Variants in RERE observed in about 807,000 individuals in gnomAD.
RERE encodes arginine-glutamic acid dipeptide repeats protein.
A neutral mutation model predicts 146.1 loss-of-function variants in RERE; 40 were observed. That is an observed-to-expected ratio of 0.27 (90% CI 0.21 to 0.36). The LOEUF is 0.36. Ranked by LOEUF, RERE falls within the 10% of genes least tolerant of loss-of-function variation. RERE has a pLI of 1.00. For synonymous variants in RERE, 1,003 were observed against 866.0 expected (o/e 1.16, Z -2.78); for missense variants, 1,933 against 2,138.7 (o/e 0.90, Z 1.90).
chr1:8,404,072 G>A (rs1217914374), intron 12 of RERE, among the ~76,000 whole-genome samples: 1 of 151,294 alleles, frequency 6.6e-6, no homozygotes, highest in Admixed American at 6.6e-5. Flanking sequence ...TTCGTGATCC[G>A]CCCGCCTCGG....
intron 4 of RERE, among the ~76,000 whole-genome samples, chr1:8,576,204 A>G (rs924829168): frequency 1.3e-5 from 2 of 151,840 alleles, no homozygotes; most frequent in African/African-American, 4.8e-5. Context: ...CTTATTCTCC[A>G]GTGGTTCTAG....
At chr1:8,694,964 G>T (rs914073866) in intron 1 of RERE, among the ~76,000 whole-genome samples, 5 of 65,176 alleles carry the variant, frequency 7.7e-5, no homozygotes, top group African/African-American at 2.9e-4. Flanking sequence ...AAGAGCCAAA[G>T]AAATCCTAAG....
intron 12 of RERE, among the ~76,000 whole-genome samples, chr1:8,409,194 C>T (rs76839646): frequency 2.0e-5 from 3 of 152,172 alleles, no homozygotes; most frequent in Admixed American, 1.3e-4. Flanking sequence ...GGGAGTACAA[C>T]GTTTGAGAAG....
rs1412649059 is a variant in RERE, at chr1:8,501,034, G to GA, written c.880-3506_880-3505insT. Reference sequence around the variant, plus strand: ...CCCGGCAGCCACCCCGTCCGGGAGGGGGGGGGGGGGTCAGCCCCCCGCCCG... The same window carrying GA: ...CCCGGCAGCCACCCCGTCCGGGAGGGAGGGGGGGGGGTCAGCCCCCCGCCCG... On this transcript the variant is annotated intron_variant, in intron 8 of 22. Coordinates refer to ENST00000400908, the MANE Select transcript of RERE (RefSeq NM_001042681.2). Among the ~76,000 whole-genome samples the GA allele has an allele frequency of 4.0e-3, 538 of 133,522 alleles. 25 individuals carry two copies. Among genetic ancestry groups the GA allele is most frequent in the African/African-American group, 0.016 (502 of 30,532 alleles). 87.6% of individuals were successfully genotyped at this position (133,522 alleles called of 152,430 possible). A position where few individuals can be genotyped will look rare whatever the true frequency, so the allele number is the denominator to read the frequency against.
At chr1:8,431,794 T>A (rs1644099186) in intron 11 of RERE, among the ~76,000 whole-genome samples, 1 of 152,064 alleles carries the variant, frequency 6.6e-6, no homozygotes, top group Non-Finnish European at 1.5e-5. Context: ...ACCTCAAATC[T>A]CCCCCGCTTC....
At chr1:8,362,606 T>G (rs565165862) in intron 16 of RERE, 77 bp downstream of exon 16, 1 of 1,564,168 alleles carries the variant, frequency 6.4e-7, no homozygotes, top group Non-Finnish European at 8.8e-7. Flanking sequence ...CTGAGGGAGC[T>G]GATCACGAAT....
intron 4 of RERE, among the ~76,000 whole-genome samples, chr1:8,596,920 C>G (rs766582854): frequency 5.9e-5 from 9 of 152,090 alleles, no homozygotes; most frequent in Non-Finnish European, 1.2e-4. Flanking sequence ...AGTACAAATC[C>G]CCCTGACCTG....
intron 12 of RERE, among the ~76,000 whole-genome samples, chr1:8,368,303 C>T (rs780840484): frequency 6.6e-5 from 10 of 151,894 alleles, no homozygotes; most frequent in East Asian, 3.9e-4. Context: ...AACCCTGTCT[C>T]TACTAAAAAA....
At chr1:8,507,720 T>C (rs958286297) in intron 8 of RERE, among the ~76,000 whole-genome samples, 3 of 140,138 alleles carry the variant, frequency 2.1e-5, no homozygotes, top group African/African-American at 8.0e-5. Context: ...GGAAAAGAGG[T>C]TTTAAACATC....
chr1:8,531,067 A>AACTT (rs1645645093), intron 7 of RERE, among the ~76,000 whole-genome samples: 1 of 142,456 alleles, frequency 7.0e-6, no homozygotes, highest in Non-Finnish European at 1.5e-5. Context: ...CTATCTATCT[A>AACTT]TCTAACTTTC....
At chr1:8,469,685 C>T (rs1471892118) in intron 10 of RERE, among the ~76,000 whole-genome samples, 1 of 152,098 alleles carries the variant, frequency 6.6e-6, no homozygotes, top group African/African-American at 2.4e-5. Flanking sequence ...GGAAATTGCT[C>T]GTGAGAACAT....
At chr1:8,556,649 T>C (rs1646011118) in intron 5 of RERE, 78 bp from the exon 6 acceptor site, 1 of 891,474 alleles carries the variant, frequency 1.1e-6, no homozygotes, top group South Asian at 1.4e-5. Context: ...AACTTTTCTT[T>C]CACGTTTACC....
intron 1 of RERE, among the ~76,000 whole-genome samples, chr1:8,701,287 TACACACACAC>T (rs745905637): frequency 1.1e-5 from 1 of 93,722 alleles, no homozygotes; most frequent in South Asian, 3.0e-4. Context: ...GTGAGGGGAA[TACACACACAC>T]ACACACACAC....
In RERE at chr1:8,372,765, A is replaced by ACAGG. The variant is rs141327715; in HGVS notation, c.1285-6795_1285-6792dup. 6.5e-3 allele frequency among the ~76,000 whole-genome samples: 989 copies of ACAGG among 152,348 alleles called. 11 individuals carry two copies. The highest frequency in any genetic ancestry group is 0.023 in the African/African-American group (962 of 41,586). On this transcript the variant is annotated intron_variant, in intron 12 of 22. Transcript: ENST00000400908. ...TTGCCCATGCAGACAGAGGGGAGAT[A>ACAGG]CAGGCAGGCAGGCATCTAAACCAGA...
At chr1:8,715,528 T>TAAACATTC (rs937196216) in intron 1 of RERE, among the ~76,000 whole-genome samples, 2 of 151,656 alleles carry the variant, frequency 1.3e-5, no homozygotes, top group African/African-American at 4.8e-5. Context: ...AATAATAATA[T>TAAACATTC]AAACATTCAA....
chr1:8,389,047 A>G (rs748951051), intron 12 of RERE, among the ~76,000 whole-genome samples: 2 of 152,230 alleles, frequency 1.3e-5, no homozygotes, highest in Non-Finnish European at 2.9e-5. Flanking sequence ...TTTCCTGAGT[A>G]TTGTATTATC....
intron 11 of RERE, chr1:8,425,212 A>G (rs1183842966): frequency 6.6e-6 from 1 of 152,252 alleles, no homozygotes; most frequent in East Asian, 1.9e-4. Context: ...CGCTTAATCC[A>G]TTCTTCAAGT....
intron 2 of RERE, 110 bp downstream of exon 2, chr1:8,655,863 C>A (rs1050720897): frequency 1.7e-5 from 25 of 1,507,530 alleles, no homozygotes; most frequent in African/African-American, 1.4e-4. Flanking sequence ...TCCTACTCTT[C>A]TAGATTCCAA....
intron 12 of RERE, among the ~76,000 whole-genome samples, chr1:8,393,858 A>G (rs924061546): frequency 3.3e-5 from 5 of 152,346 alleles, no homozygotes; most frequent in African/African-American, 1.2e-4. Context: ...ATATTAACAT[A>G]TAAAAATACC....
Sources: allele counts gnomAD v4.1 joint callset (sites outside exome capture counted in the v4.1 genomes callset), GRCh38; gene constraint gnomAD v4.1.1; transcripts MANE v1.5; gene names NCBI Gene and HGNC (gene_info 2026-07-23, HGNC 2026-07-21).